The following GPD2 variants were observed in gnomAD, a reference collection of about 807,000 sequenced individuals.
GPD2 encodes the protein glycerol-3-phosphate dehydrogenase 2, also known as glycerol-3-phosphate dehydrogenase, mitochondrial.
A neutral mutation model predicts 82.4 loss-of-function variants in GPD2; 54 were observed. The observed-to-expected ratio is 0.66, with a 90% CI of 0.53 to 0.82. GPD2 has a LOEUF of 0.82. Ranked by LOEUF, GPD2 falls within the 40% of genes least tolerant of loss-of-function variation. The pLI is 0.00. For missense variants in GPD2, 748 were observed against 896.2 expected (o/e 0.83, Z 2.11); for synonymous variants, 288 against 306.1 (o/e 0.94, Z 0.62).
Position 156,570,093 on chromosome 2 carries a change from C to G in GPD2, c.1483C>G (p.Gln495Glu), listed in dbSNP as rs1425284681. 3 of 1,611,130 alleles carry G rather than the reference C, an allele frequency of 1.9e-6. No homozygotes were observed. The South Asian group carries it at 3.3e-5, about 18-fold the overall frequency. The change falls in exon 12 of 17, where the codon CAG becomes GAG. Residue 495 changes from glutamine (Q) to glutamate (E), a missense_variant. By Grantham distance (29) the Gln-to-Glu change is conservative. Coordinates refer to ENST00000438166, the MANE Select transcript of GPD2 (RefSeq NM_000408.5). ...CGCAGCTTTATTTCTCTAGGTGGCA[C>G]AGCATCTTGCCGCCACCTATGGTGA... ...QDYGLESEVAQHLAATYGDKA... is the reference protein window; with the variant it reads ...QDYGLESEVAEHLAATYGDKA...
intron 9 of GPD2, among the ~76,000 whole-genome samples, chr2:156,559,114 G>A (rs1011364062): frequency 6.6e-6 from 1 of 151,920 alleles, no homozygotes; most frequent in African/African-American, 2.4e-5. Context: ...TCTTCATCTT[G>A]GCAAAATTTT....
At chr2:156,574,653 G>C (rs1250114544) in intron 13 of GPD2, among the ~76,000 whole-genome samples, 1 of 151,950 alleles carries the variant, frequency 6.6e-6, no homozygotes, top group Non-Finnish European at 1.5e-5. Context: ...TGAAGACTTT[G>C]AGTGGCTGAT....
chr2:156,499,595 A>G (rs974244794), intron 3 of GPD2, among the ~76,000 whole-genome samples: 3 of 152,058 alleles, frequency 2.0e-5, no homozygotes, highest in African/African-American at 7.2e-5. Context: ...CACTTTGTAT[A>G]TTTATAGTTT....
At chr2:156,529,233 C>G (rs1685740309) in intron 6 of GPD2, among the ~76,000 whole-genome samples, 1 of 151,430 alleles carries the variant, frequency 6.6e-6, no homozygotes, top group African/African-American at 2.4e-5. Flanking sequence ...GCATAAATGT[C>G]TTCTTTTGAG....
intron 6 of GPD2, among the ~76,000 whole-genome samples, chr2:156,528,757 A>G (rs968520839): frequency 1.3e-5 from 2 of 152,070 alleles, no homozygotes; most frequent in African/African-American, 2.4e-5. Context: ...GTCCCTACAA[A>G]GGACGTGATC....
In GPD2 at chr2:156,583,703, G is replaced by A. The variant is rs1327423209; in HGVS notation, c.*785G>A. 1 of 152,408 alleles carries A rather than the reference G, an allele frequency of 6.6e-6. No individual in the cohort carries two copies. Among genetic ancestry groups the A allele is most frequent in the Non-Finnish European group, 1.5e-5 (1 of 67,988 alleles). 9.4% of individuals were successfully genotyped at this position (152,408 alleles called of 1,614,324 possible). A position where few individuals can be genotyped will look rare whatever the true frequency, so the allele number is the denominator to read the frequency against. On this transcript the variant is annotated 3_prime_UTR_variant, in exon 17 of 17. Coordinates refer to ENST00000438166, the MANE Select transcript of GPD2 (RefSeq NM_000408.5). ...CTGGTTTTCTTTGACTATTATAGTT[G>A]CCAGGAAGATCCTTGCTCTTCTTAC... is the stretch of plus-strand genomic sequence containing the variant.
chr2:156,501,968 G>A (rs766377345), intron 3 of GPD2: 1 of 161,596 alleles, frequency 6.2e-6, no homozygotes, highest in African/African-American at 2.4e-5. Flanking sequence ...ATCAGTCATG[G>A]AGTCTATAAA....
intron 6 of GPD2, among the ~76,000 whole-genome samples, chr2:156,531,365 A>T (rs995310165): frequency 5.3e-5 from 8 of 152,204 alleles, no homozygotes; most frequent in African/African-American, 1.9e-4. Flanking sequence ...GAGAACACAG[A>T]CAGGAGAGTA....
intron 1 of GPD2, among the ~76,000 whole-genome samples, chr2:156,452,565 G>A (rs112338843): frequency 0.01 from 1,534 of 152,272 alleles, 34 homozygotes; most frequent in African/African-American, 0.035. Context: ...GTGGGGAGAG[G>A]GGAGAGGGGA....
At chr2:156,433,447 G>A (rs1196827111), upstream of GPD2, among the ~76,000 whole-genome samples, 3 of 152,226 alleles carry the variant, frequency 2.0e-5, no homozygotes, top group Admixed American at 6.5e-5. Context: ...AACTGACTTA[G>A]TGCAAGAAGA....
At chr2:156,546,673 T>G (rs1334917077) in intron 6 of GPD2, among the ~76,000 whole-genome samples, 1 of 152,188 alleles carries the variant, frequency 6.6e-6, no homozygotes, top group Admixed American at 6.5e-5. Flanking sequence ...TAATAATACC[T>G]GTGCTTGCAT....
chr2:156,500,192 T>C, intron 3 of GPD2, among the ~76,000 whole-genome samples: 1 of 152,314 alleles, frequency 6.6e-6, no homozygotes, highest in East Asian at 1.9e-4. Context: ...AATAATTGCC[T>C]GTCTTATTTT....
chr2:156,405,339 T>A, the GPD2 span, among the ~76,000 whole-genome samples: 1 of 152,150 alleles, frequency 6.6e-6, no homozygotes, highest in African/African-American at 2.4e-5. Flanking sequence ...GGTGGTTAGA[T>A]CAACCCCAGG....
At chr2:156,576,924 A>G (rs1172920523) in intron 13 of GPD2, among the ~76,000 whole-genome samples, 1 of 152,212 alleles carries the variant, frequency 6.6e-6, no homozygotes, top group African/African-American at 2.4e-5. Context: ...AATTTTATTT[A>G]TGACCACTGG....
intron 2 of GPD2, among the ~76,000 whole-genome samples, chr2:156,484,254 GC>G (rs977618457): frequency 5.3e-5 from 8 of 151,816 alleles, no homozygotes; most frequent in African/African-American, 1.9e-4. Context: ...TCTTGCCTCA[GC>G]CCCCCAACTA....
intron 1 of GPD2, among the ~76,000 whole-genome samples, chr2:156,467,186 T>C (rs1683179758): frequency 6.6e-6 from 1 of 152,208 alleles, no homozygotes; most frequent in Non-Finnish European, 1.5e-5. Flanking sequence ...TGGGCCCTTC[T>C]GGCAGTAATT....
chr2:156,446,118 G>A (rs1278076977), intron 1 of GPD2, among the ~76,000 whole-genome samples: 1 of 150,502 alleles, frequency 6.6e-6, no homozygotes, highest in Admixed American at 6.6e-5. Context: ...TTTTTTTTGA[G>A]ATGAGTCTCG....
At chr2:156,418,848 G>T in the GPD2 span, among the ~76,000 whole-genome samples, 1 of 152,026 alleles carries the variant, frequency 6.6e-6, no homozygotes, top group Non-Finnish European at 1.5e-5. Context: ...GAAAGTTTCT[G>T]TTCAGGTGTG....
rs758271008 is a variant in GPD2, at chr2:156,459,026, T to TAC, written c.-8-17062_-8-17061dup. Among the ~76,000 whole-genome samples the TAC allele has an allele frequency of 4.1e-3, 482 of 118,974 alleles. 4 individuals carry two copies. Among genetic ancestry groups the TAC allele is most frequent in the African/African-American group, 0.013 (460 of 36,358 alleles). The allele number at this position is 118,974 out of a possible 152,430, so 78.1% of individuals were successfully genotyped here. A position where few individuals can be genotyped will look rare whatever the true frequency, so the allele number is the denominator to read the frequency against. ...ATAGAAATATATATATATATATATA[T>TAC]ACACACACACAAAGATACTGTTTTA... On this transcript the variant is annotated intron_variant, in intron 1 of 16. Transcript: ENST00000438166.
Sources: allele counts gnomAD v4.1 joint callset (sites outside exome capture counted in the v4.1 genomes callset), GRCh38; gene constraint gnomAD v4.1.1; transcripts MANE v1.5; gene names NCBI Gene and HGNC (gene_info 2026-07-23, HGNC 2026-07-21).